The following NHERF1 variants were observed in gnomAD, a reference collection of about 807,000 sequenced individuals.
NHERF1 encodes the protein Na(+)/H(+) exchange regulatory cofactor NHE-RF1.
chr17:74,762,076 A>C, the NHERF1 span: 2 of 1,614,136 alleles, frequency 1.2e-6, no homozygotes, highest in Non-Finnish European at 1.7e-6. The surrounding 1 kb of genome is among the most constrained non-coding windows in gnomAD (Gnocchi z 4.2). Context: ...TTCAACCTGC[A>C]CAGCGACAAG....
the NHERF1 span, among the ~76,000 whole-genome samples, chr17:74,766,211 T>A: frequency 6.6e-6 from 1 of 152,102 alleles, no homozygotes; most frequent in East Asian, 1.9e-4. Context: ...TGTTTTGTTT[T>A]GTTTTGCCAG....
At chr17:74,749,525 C>G in the NHERF1 span, among the ~76,000 whole-genome samples, 2 of 152,212 alleles carry the variant, frequency 1.3e-5, no homozygotes, top group African/African-American at 4.8e-5. This position sits in a 1 kb window ranked among gnomAD's most constrained non-coding sequence, Gnocchi z 5.6. Context: ...GCGCCTTTGC[C>G]GCCTGCACCT....
At chr17:74,748,664 C>T in the NHERF1 span, 10 of 590,980 alleles carry the variant, frequency 1.7e-5, no homozygotes, top group South Asian at 8.4e-5. The surrounding 1 kb of genome is among the most constrained non-coding windows in gnomAD (Gnocchi z 4.3). Context: ...CTGTGGTCCT[C>T]TCTCGGCTCC....
the NHERF1 span, among the ~76,000 whole-genome samples, chr17:74,757,223 C>T: frequency 6.6e-6 from 1 of 152,274 alleles, no homozygotes; most frequent in Admixed American, 6.5e-5. Flanking sequence ...TCTGTCAGAC[C>T]AGCAGACCTC....
chr17:74,766,040 G>A, the NHERF1 span, among the ~76,000 whole-genome samples: 2 of 152,202 alleles, frequency 1.3e-5, no homozygotes, highest in Middle Eastern at 6.8e-3. Context: ...GGAGTTCCCA[G>A]GTAGGAATTC....
chr17:74,761,851 AGTCCTG>A, the NHERF1 span, among the ~76,000 whole-genome samples: 4 of 152,188 alleles, frequency 2.6e-5, no homozygotes, highest in Non-Finnish European at 4.4e-5. This position sits in a 1 kb window ranked among gnomAD's most constrained non-coding sequence, Gnocchi z 4.3. Flanking sequence ...AAGTCTTTTG[AGTCCTG>A]GGCCAGAACC....
the NHERF1 span, chr17:74,769,196 C>T: frequency 6.5e-6 from 1 of 155,010 alleles, no homozygotes; most frequent in Non-Finnish European, 1.4e-5. Flanking sequence ...TTGTTACATC[C>T]AGGGCATGGC....
At chr17:74,763,407 TG>T in the NHERF1 span, 2 of 1,614,062 alleles carry the variant, frequency 1.2e-6, no homozygotes, top group Non-Finnish European at 1.7e-6. Context: ...CATGGGGACG[TG>T]GTGTCCGCCA....
the NHERF1 span, among the ~76,000 whole-genome samples, chr17:74,766,464 A>G: frequency 0.015 from 2,258 of 152,096 alleles, 67 homozygotes; most frequent in African/African-American, 0.052. Flanking sequence ...CGGCCTCCCA[A>G]AGTGCTGGGA....
chr17:74,749,271 A>G, the NHERF1 span: 5 of 1,529,498 alleles, frequency 3.3e-6, no homozygotes, highest in Admixed American at 4.0e-5. This position sits in a 1 kb window ranked among gnomAD's most constrained non-coding sequence, Gnocchi z 5.6. Flanking sequence ...GAGGCCGACA[A>G]GAGCCACCCG....
the NHERF1 span, among the ~76,000 whole-genome samples, chr17:74,764,956 T>C: frequency 6.6e-6 from 1 of 152,166 alleles, no homozygotes; most frequent in Non-Finnish European, 1.5e-5. This position sits in a 1 kb window ranked among gnomAD's most constrained non-coding sequence, Gnocchi z 4.9. Flanking sequence ...GTCAGGTATC[T>C]CTGGCTGTGT....
the NHERF1 span, chr17:74,762,014 C>T: frequency 4.0e-5 from 64 of 1,613,830 alleles, no homozygotes; most frequent in South Asian, 1.1e-4. The surrounding 1 kb of genome is among the most constrained non-coding windows in gnomAD (Gnocchi z 4.2). Context: ...CCCTGCAGCG[C>T]GAGCTTCGGC....
the NHERF1 span, chr17:74,763,545 G>A: frequency 2.7e-5 from 43 of 1,564,930 alleles, no homozygotes; most frequent in Middle Eastern, 5.0e-4. Context: ...GCCACTGGCC[G>A]TCCTGGGGCT....
At chr17:74,749,132 G>A in the NHERF1 span, 50 of 1,566,894 alleles carry the variant, frequency 3.2e-5, no homozygotes, top group East Asian at 8.3e-4. The surrounding 1 kb of genome is among the most constrained non-coding windows in gnomAD (Gnocchi z 5.6). Context: ...CCCCGAGACG[G>A]ACGAGCAGCT....
the NHERF1 span, chr17:74,749,183 G>A: frequency 6.5e-7 from 1 of 1,529,396 alleles, no homozygotes; most frequent in Non-Finnish European, 8.8e-7. This position sits in a 1 kb window ranked among gnomAD's most constrained non-coding sequence, Gnocchi z 5.6. Flanking sequence ...GCTGCTGCGC[G>A]CCCAGGAAGC....
the NHERF1 span, among the ~76,000 whole-genome samples, chr17:74,757,786 GC>G: frequency 6.6e-6 from 1 of 152,096 alleles, no homozygotes; most frequent in Non-Finnish European, 1.5e-5. Flanking sequence ...TCCTGCCCCC[GC>G]CGTCCTGCCC....
At chr17:74,761,961 C>T in the NHERF1 span, 3 of 1,600,898 alleles carry the variant, frequency 1.9e-6, no homozygotes, top group South Asian at 2.2e-5. This position sits in a 1 kb window ranked among gnomAD's most constrained non-coding sequence, Gnocchi z 4.3. Flanking sequence ...ACAGGGAAGG[C>T]AGAACCTGGG....
chr17:74,765,460 A>G, the NHERF1 span, among the ~76,000 whole-genome samples: 6 of 150,966 alleles, frequency 4.0e-5, no homozygotes, highest in African/African-American at 1.5e-4. Flanking sequence ...GGGTTTCACT[A>G]TGTTGGCCAG....
chr17:74,757,718 TACACCCAACATACTCCTGACACAC>T, the NHERF1 span, among the ~76,000 whole-genome samples: 2 of 152,118 alleles, frequency 1.3e-5, no homozygotes, highest in South Asian at 4.1e-4. Context: ...ATATGGCTCT[TACACCCAACATACTCCTGACACAC>T]ACACCCCAGC....
Sources: gnomAD v4.1 joint callset for allele counts (sites outside exome capture counted in the v4.1 genomes callset) on GRCh38, gnomAD v4.1.1 for gene constraint, Gnocchi (gnomAD v3.1) non-coding constraint, MANE v1.5 for transcripts, NCBI Gene and HGNC (gene_info 2026-07-23, HGNC 2026-07-21) for gene names.